Variants in NRXN3 observed in about 807,000 individuals in gnomAD.
NRXN3 encodes the protein neurexin 3, also known as neurexin III.
Under a neutral mutation model 137.6 loss-of-function variants are expected in NRXN3, and 32 were observed. The ratio of observed to expected loss-of-function variants is 0.23; its 90% CI spans 0.18 to 0.31. The LOEUF is 0.31. Among genes scored for constraint, NRXN3 ranks in the 10% least tolerant of loss-of-function variants. The pLI is 1.00. For missense variants in NRXN3, 1,574 were observed against 2,062.5 expected (o/e 0.76, Z 4.59); for synonymous variants, 798 against 784.5 (o/e 1.02, Z -0.29).
At chr14:79,362,977 G>A (rs1412727785) in intron 15 of NRXN3, among the ~76,000 whole-genome samples, 2 of 151,672 alleles carry the variant, frequency 1.3e-5, no homozygotes, top group East Asian at 1.9e-4. Flanking sequence ...GAAATGGTGA[G>A]TGACCATTTA....
chr14:79,206,273 T>C (rs1173276164), intron 15 of NRXN3, among the ~76,000 whole-genome samples: 2 of 152,180 alleles, frequency 1.3e-5, no homozygotes, highest in African/African-American at 4.8e-5. Context: ...CACGTATTAA[T>C]CCTTACAAGG....
intron 16 of NRXN3, among the ~76,000 whole-genome samples, chr14:79,480,677 T>C (rs1466137171): frequency 6.6e-6 from 1 of 152,104 alleles, no homozygotes; most frequent in African/African-American, 2.4e-5. Flanking sequence ...TAATCCCCAG[T>C]ATTGGAGGTG....
intron 1 of NRXN3, among the ~76,000 whole-genome samples, chr14:78,206,175 T>G (rs991805043): frequency 6.6e-6 from 1 of 152,202 alleles, no homozygotes; most frequent in South Asian, 2.1e-4. Context: ...CAGTAGAGGC[T>G]CACTTTTTTC....
chr14:79,774,910 A>G (rs1160884273), intron 19 of NRXN3, among the ~76,000 whole-genome samples: 1 of 152,080 alleles, frequency 6.6e-6, no homozygotes, highest in Non-Finnish European at 1.5e-5. Context: ...TGAAAGGGAC[A>G]GGAAGTGGAT....
intron 4 of NRXN3, among the ~76,000 whole-genome samples, chr14:78,567,355 A>C (rs1195551764): frequency 6.6e-6 from 1 of 152,210 alleles, no homozygotes; most frequent in Non-Finnish European, 1.5e-5. Flanking sequence ...TGTGCCAGTA[A>C]ACTGTGCTCA....
intron 15 of NRXN3, among the ~76,000 whole-genome samples, chr14:78,991,109 A>G (rs1045725339): frequency 2.0e-5 from 3 of 152,224 alleles, no homozygotes; most frequent in African/African-American, 7.2e-5. Context: ...GCTTATCATC[A>G]GCAAAAAGTG....
At chr14:78,405,854 C>T (rs1238990688) in intron 4 of NRXN3, among the ~76,000 whole-genome samples, 2 of 152,252 alleles carry the variant, frequency 1.3e-5, no homozygotes, top group South Asian at 4.2e-4. Flanking sequence ...ACCCAGGAGT[C>T]CCTGTTCCCC....
intron 4 of NRXN3, among the ~76,000 whole-genome samples, chr14:78,478,206 T>C (rs578182554): frequency 1.8e-4 from 28 of 152,162 alleles, no homozygotes; most frequent in African/African-American, 6.3e-4. Flanking sequence ...TACTAGTGAT[T>C]TGGGGGGAAA....
intron 4 of NRXN3, among the ~76,000 whole-genome samples, chr14:78,515,795 C>T (rs555127097): frequency 2.7e-4 from 41 of 152,086 alleles, no homozygotes; most frequent in African/African-American, 9.4e-4. Flanking sequence ...TAGAATGTGA[C>T]TGGAAGGAAC....
chr14:79,135,052 T>A (rs1168777999), intron 15 of NRXN3, among the ~76,000 whole-genome samples: 3 of 152,198 alleles, frequency 2.0e-5, no homozygotes, highest in Non-Finnish European at 4.4e-5. Context: ...TAATTTTTAC[T>A]CTCTCTTGTA....
chr14:78,398,804 T>A (rs1252208142), intron 4 of NRXN3, among the ~76,000 whole-genome samples: 1 of 152,192 alleles, frequency 6.6e-6, no homozygotes, highest in African/African-American at 2.4e-5. Context: ...TGGTCTCAAT[T>A]GACACCATGG....
intron 19 of NRXN3, among the ~76,000 whole-genome samples, chr14:79,772,904 C>A (rs988956315): frequency 6.6e-6 from 1 of 152,260 alleles, no homozygotes; most frequent in South Asian, 2.1e-4. Context: ...TATCCAGAAT[C>A]TACAATGAAC....
intron 19 of NRXN3, among the ~76,000 whole-genome samples, chr14:79,796,903 C>G (rs2099162669): frequency 6.6e-6 from 1 of 152,130 alleles, no homozygotes; most frequent in South Asian, 2.1e-4. Context: ...ATGAGCCCAA[C>G]ACTAATTTTA....
At chr14:78,915,709 G>A (rs1022902468) in intron 10 of NRXN3, among the ~76,000 whole-genome samples, 14 of 152,110 alleles carry the variant, frequency 9.2e-5, no homozygotes, top group African/African-American at 3.1e-4. Context: ...AGCATCTGGG[G>A]TTGGAGAAAA....
intron 4 of NRXN3, among the ~76,000 whole-genome samples, chr14:78,298,382 A>G (rs957790751): frequency 6.6e-6 from 1 of 152,224 alleles, no homozygotes; most frequent in Non-Finnish European, 1.5e-5. Flanking sequence ...TTTCAGTTTT[A>G]TATAAAAGCA....
intron 15 of NRXN3, among the ~76,000 whole-genome samples, chr14:79,263,538 A>G (rs1262241657): frequency 6.6e-6 from 1 of 152,092 alleles, no homozygotes. Flanking sequence ...TCTGATTTTT[A>G]CTTGTTTCTA....
At chr14:78,506,730 C>G (rs2096002448) in intron 4 of NRXN3, among the ~76,000 whole-genome samples, 1 of 144,064 alleles carries the variant, frequency 6.9e-6, no homozygotes, top group African/African-American at 2.6e-5. Context: ...TATTCACAGG[C>G]ACAATCATAG....
intron 4 of NRXN3, among the ~76,000 whole-genome samples, chr14:78,397,598 C>CT (rs894048079): frequency 7.3e-5 from 11 of 151,512 alleles, no homozygotes; most frequent in African/African-American, 2.7e-4. Context: ...CCTTGAAGCA[C>CT]TTTTTTTGTT....
At chr14:79,008,741 C>T (rs1417631590) in intron 15 of NRXN3, among the ~76,000 whole-genome samples, 2 of 151,274 alleles carry the variant, frequency 1.3e-5, no homozygotes, top group African/African-American at 4.9e-5. Context: ...TTCCTGCAAC[C>T]TCCACCCCTT....
Sources: gnomAD v4.1 joint callset for allele counts (sites outside exome capture counted in the v4.1 genomes callset) on GRCh38, gnomAD v4.1.1 for gene constraint, MANE v1.5 for transcripts, NCBI Gene and HGNC (gene_info 2026-07-23, HGNC 2026-07-21) for gene names.